EDIL3: variants seen among roughly 807,000 people sequenced by gnomAD.
EDIL3 encodes the protein EGF like and discoidin domains 3.
Under a neutral mutation model 67.4 loss-of-function variants are expected in EDIL3, and 37 were observed. That is an observed-to-expected ratio of 0.55 (90% confidence interval 0.42 to 0.72). The LOEUF is 0.72. Among genes scored for constraint, EDIL3 ranks in the 30% least tolerant of loss-of-function variants. The probability of loss-of-function intolerance (pLI) is 0.00; values close to 1 mark genes in which losing one functional copy is unlikely to be tolerated. For synonymous variants in EDIL3, 195 were observed against 196.3 expected (o/e 0.99, Z 0.05); for missense variants, 527 against 586.3 (o/e 0.90, Z 1.04).
At chr5:84,044,021 ATG>A (rs1437354337) in intron 9 of EDIL3, among the ~76,000 whole-genome samples, 1 of 151,980 alleles carries the variant, frequency 6.6e-6, no homozygotes, top group Non-Finnish European at 1.5e-5. Context: ...TAAGCCCCAC[ATG>A]TGTTAGGTAT....
chr5:84,256,172 C>T (rs374792171), intron 1 of EDIL3, among the ~76,000 whole-genome samples: 1 of 127,044 alleles, frequency 7.9e-6, no homozygotes, highest in Non-Finnish European at 1.7e-5. Flanking sequence ...TCCATTTATC[C>T]ATCCACACAT....
At chr5:84,030,009 T>C (rs1207190467) in intron 9 of EDIL3, among the ~76,000 whole-genome samples, 2 of 152,172 alleles carry the variant, frequency 1.3e-5, no homozygotes. Flanking sequence ...AGTTATCTGA[T>C]TGAAATTATC....
At chr5:84,106,908 GA>G in intron 5 of EDIL3, 78 bp from the exon 6 acceptor site, 1 of 1,432,466 alleles carries the variant, frequency 7.0e-7, no homozygotes, top group Non-Finnish European at 9.3e-7. Flanking sequence ...GATTTGATAG[GA>G]TTTTTTTAAA....
chr5:83,974,092 T>G (rs1175001646), intron 9 of EDIL3, among the ~76,000 whole-genome samples: 1 of 151,966 alleles, frequency 6.6e-6, no homozygotes, highest in East Asian at 1.9e-4. Context: ...TACATCATTT[T>G]GTTTCATCAG....
At chr5:84,291,148 T>A (rs182309077) in intron 1 of EDIL3, among the ~76,000 whole-genome samples, 1 of 152,270 alleles carries the variant, frequency 6.6e-6, no homozygotes, top group African/African-American at 2.4e-5. Context: ...TAGCTGCTTG[T>A]CAAATTGAAC....
At chr5:84,187,407 G>C (rs1172282017) in intron 3 of EDIL3, among the ~76,000 whole-genome samples, 3 of 152,064 alleles carry the variant, frequency 2.0e-5, no homozygotes, top group Non-Finnish European at 2.9e-5. Context: ...TACACAAGCA[G>C]ATTATTAGAA....
At chr5:84,192,598 T>C (rs980896476) in intron 3 of EDIL3, among the ~76,000 whole-genome samples, 2 of 152,028 alleles carry the variant, frequency 1.3e-5, no homozygotes, top group Admixed American at 6.6e-5. Context: ...TATTACCATG[T>C]TACATACTAT....
intron 3 of EDIL3, among the ~76,000 whole-genome samples, chr5:84,182,479 C>A (rs163717): frequency 0.37 from 56,429 of 150,970 alleles, 10,846 homozygotes; most frequent in South Asian, 0.49. Flanking sequence ...TTAAAAAAAA[C>A]AAACAAACAA....
chr5:84,193,284 T>G (rs921513004), intron 3 of EDIL3, among the ~76,000 whole-genome samples: 1 of 151,482 alleles, frequency 6.6e-6, no homozygotes, highest in African/African-American at 2.4e-5. Flanking sequence ...TGGATTAGAG[T>G]GGTGGGCTGG....
intron 1 of EDIL3, among the ~76,000 whole-genome samples, chr5:84,291,656 A>C (rs1745918287): frequency 7.0e-6 from 1 of 143,464 alleles, no homozygotes; most frequent in Admixed American, 7.1e-5. Flanking sequence ...CTATATCTAT[A>C]TATCTATATA....
intron 9 of EDIL3, among the ~76,000 whole-genome samples, chr5:84,058,786 T>C (rs1326794586): frequency 6.6e-6 from 1 of 152,172 alleles, no homozygotes; most frequent in African/African-American, 2.4e-5. Flanking sequence ...TGCTCACTTA[T>C]ATGTCATCAC....
At chr5:84,174,036 C>T (rs1748858240) in intron 4 of EDIL3, among the ~76,000 whole-genome samples, 1 of 152,104 alleles carries the variant, frequency 6.6e-6, no homozygotes, top group Non-Finnish European at 1.5e-5. Flanking sequence ...ACAAAGGAGC[C>T]AAAGGAAAGG....
chr5:84,372,380 T>C lies in EDIL3; in HGVS notation c.67+11928A>G, dbSNP rs1353060222. Among the ~76,000 whole-genome samples, 3 of 152,252 alleles carry C rather than the reference T, an allele frequency of 2.0e-5. No homozygotes were observed. In the South Asian group the frequency reaches 6.2e-4, roughly 32 times the overall value. ...ATTATGAGTATATTAAAAGGAGAGA[T>C]GAAACTATTCCCCTGGTAATAATGT... On this transcript the variant is annotated intron_variant, in intron 1 of 10. Coordinates refer to ENST00000296591, the MANE Select transcript of EDIL3 (RefSeq NM_005711.5).
chr5:84,091,205 A>G (rs1430599933), intron 6 of EDIL3, among the ~76,000 whole-genome samples: 1 of 152,150 alleles, frequency 6.6e-6, no homozygotes, highest in Non-Finnish European at 1.5e-5. Context: ...TAGTAAACAT[A>G]GACAATTTAT....
intron 4 of EDIL3, among the ~76,000 whole-genome samples, chr5:84,175,818 A>G (rs114503901): frequency 0.011 from 1,665 of 152,242 alleles, 27 homozygotes; most frequent in African/African-American, 0.034. Context: ...GAAGGATCAT[A>G]TGGATGTTTT....
At chr5:84,342,094 C>T (rs939003711) in intron 1 of EDIL3, among the ~76,000 whole-genome samples, 3 of 151,812 alleles carry the variant, frequency 2.0e-5, no homozygotes, top group Admixed American at 6.6e-5. Flanking sequence ...AACAAAGATA[C>T]GGAATCAATG....
At chr5:84,289,135 G>A (rs77555190) in intron 1 of EDIL3, among the ~76,000 whole-genome samples, 25 of 152,194 alleles carry the variant, frequency 1.6e-4, no homozygotes, top group African/African-American at 6.0e-4. Flanking sequence ...ATTTCTAAAT[G>A]GAGCTGGGAA....
intron 1 of EDIL3, among the ~76,000 whole-genome samples, chr5:84,345,831 C>A (rs981334105): frequency 4.6e-5 from 7 of 152,056 alleles, no homozygotes; most frequent in African/African-American, 1.7e-4. Context: ...ATATTTCATG[C>A]TAGCAAAAAC....
intron 9 of EDIL3, among the ~76,000 whole-genome samples, chr5:84,048,756 T>C (rs1033269993): frequency 6.6e-6 from 1 of 152,096 alleles, no homozygotes; most frequent in East Asian, 1.9e-4. Context: ...ACATACACAA[T>C]GTATTCATTA....
Sources: allele counts gnomAD v4.1 joint callset (sites outside exome capture counted in the v4.1 genomes callset), GRCh38; gene constraint gnomAD v4.1.1; transcripts MANE v1.5; gene names NCBI Gene and HGNC (gene_info 2026-07-23, HGNC 2026-07-21).